SP100: variants seen among roughly 807,000 people sequenced by gnomAD.
The protein encoded by SP100 is nuclear autoantigen Sp-100.
Under a neutral mutation model 130.0 loss-of-function variants are expected in SP100, and 84 were observed. That is an observed-to-expected ratio of 0.65 (90% CI 0.54 to 0.77). The LOEUF is 0.77. Among genes scored for constraint, SP100 ranks in the 30% least tolerant of loss-of-function variants. The probability of loss-of-function intolerance (pLI) is 0.00; values close to 1 mark genes in which losing one functional copy is unlikely to be tolerated. For synonymous variants in SP100, 331 were observed against 351.7 expected, an observed-to-expected ratio of 0.94 and a Z score of 0.66; for missense variants, 978 against 1,052.2, an observed-to-expected ratio of 0.93 and a Z score of 0.97.
intron 2 of SP100, among the ~76,000 whole-genome samples, chr2:230,420,362 T>A (rs772927225): frequency 3.5e-4 from 54 of 152,326 alleles, no homozygotes; most frequent in Non-Finnish European, 4.7e-4. Flanking sequence ...TTTATACCTG[T>A]ATACTTTTCT....
chr2:230,493,210 A>G (rs372643601), intron 17 of SP100, among the ~76,000 whole-genome samples: 5 of 151,816 alleles, frequency 3.3e-5, no homozygotes, highest in African/African-American at 1.2e-4. Context: ...ATTATTTTCT[A>G]TTTTTTATTT....
At chr2:230,440,826 G>A (rs1243285323) in intron 2 of SP100, among the ~76,000 whole-genome samples, 1 of 152,050 alleles carries the variant, frequency 6.6e-6, no homozygotes, top group African/African-American at 2.4e-5. Flanking sequence ...TAGACAAATA[G>A]ATCAATGGTA....
At chr2:230,448,541 A>G (rs936656902) in intron 5 of SP100, among the ~76,000 whole-genome samples, 11 of 152,172 alleles carry the variant, frequency 7.2e-5, no homozygotes, top group Non-Finnish European at 1.3e-4. Context: ...CAGGCAATCT[A>G]AAAAAATAAA....
chr2:230,474,976 A>C (rs970352190), intron 17 of SP100, among the ~76,000 whole-genome samples: 2 of 151,606 alleles, frequency 1.3e-5, no homozygotes, highest in African/African-American at 2.4e-5. Flanking sequence ...GCTTTTGTGA[A>C]TAGCACTATA....
chr2:230,498,471 A>G lies in SP100; in HGVS notation c.1656A>G (p.Lys552=). Residue 552 remains lysine (K), a synonymous_variant, in exon 19 of 29, where the codon AAA becomes AAG. Coordinates refer to ENST00000340126, the MANE Select transcript of SP100 (RefSeq NM_001080391.2). The part of the protein sequence containing the change: ...KVNGLQRGRK[K]DRPRKHLTLN... ...TTCCTATTTTCTCAGGGAGAAAGAAAGACAGACCTAGAAAACATTTAACTC... is the reference window on the plus strand; with the variant it reads ...TTCCTATTTTCTCAGGGAGAAAGAAGGACAGACCTAGAAAACATTTAACTC... 2.0e-6 allele frequency: 3 copies of G among 1,511,254 alleles called. No homozygotes were observed. Among genetic ancestry groups the G allele is most frequent in the Admixed American group, 2.6e-5 (1 of 38,238 alleles). 93.6% of individuals were successfully genotyped at this position (1,511,254 alleles called of 1,614,324 possible).
chr2:230,497,539 G>GAGGAA (rs2066753114), intron 18 of SP100, among the ~76,000 whole-genome samples: 1 of 26,054 alleles, frequency 3.8e-5, no homozygotes, highest in Non-Finnish European at 8.0e-5. Flanking sequence ...GAGGAGAGGA[G>GAGGAA]AGGAGAGGAA....
At chr2:230,477,508 G>C (rs908484893) in intron 17 of SP100, among the ~76,000 whole-genome samples, 5 of 152,092 alleles carry the variant, frequency 3.3e-5, no homozygotes, top group Non-Finnish European at 5.9e-5. Context: ...CAGGGGGTTT[G>C]CCTTTCTGTG....
intron 17 of SP100, among the ~76,000 whole-genome samples, chr2:230,493,614 CCCTTTATTTG>C (rs1270765577): frequency 6.6e-6 from 1 of 151,882 alleles, no homozygotes; most frequent in Non-Finnish European, 1.5e-5. Context: ...ATGTCTAATC[CCCTTTATTTG>C]CCTTCTAAAT....
chr2:230,524,649 A>C (rs997748294), intron 24 of SP100, among the ~76,000 whole-genome samples: 1 of 152,196 alleles, frequency 6.6e-6, no homozygotes, highest in African/African-American at 2.4e-5. Context: ...GCTATAGATA[A>C]AGTTTTTGTG....
chr2:230,487,328 C>A (rs2066157036), intron 17 of SP100, among the ~76,000 whole-genome samples: 1 of 152,078 alleles, frequency 6.6e-6, no homozygotes, highest in Non-Finnish European at 1.5e-5. Flanking sequence ...GTCTTTAATC[C>A]ATCCTGAGTT....
intron 24 of SP100, among the ~76,000 whole-genome samples, chr2:230,517,382 G>A (rs889257107): frequency 6.6e-6 from 1 of 152,154 alleles, no homozygotes; most frequent in African/African-American, 2.4e-5. Flanking sequence ...AAGTTGTATG[G>A]ATGTAAAAAT....
intron 8 of SP100, among the ~76,000 whole-genome samples, chr2:230,456,455 C>T (rs1343618050): frequency 6.6e-6 from 1 of 152,152 alleles, no homozygotes; most frequent in African/African-American, 2.4e-5. Context: ...TTATGTCTTT[C>T]ACCAGATTGG....
intron 3 of SP100, among the ~76,000 whole-genome samples, 190 bp from the exon 4 acceptor site, chr2:230,443,988 T>G: frequency 6.6e-6 from 1 of 152,188 alleles, no homozygotes. Flanking sequence ...GGCTCATCAG[T>G]GGGCATTTTT....
At chr2:230,438,576 C>T (rs893626707) in intron 2 of SP100, among the ~76,000 whole-genome samples, 3 of 151,368 alleles carry the variant, frequency 2.0e-5, no homozygotes, top group African/African-American at 7.3e-5. Flanking sequence ...TCTCCAACTC[C>T]ATCCAGGATG....
chr2:230,538,808 C>T (rs974661049), intron 24 of SP100: 1 of 156,686 alleles, frequency 6.4e-6, no homozygotes, highest in East Asian at 1.9e-4. Flanking sequence ...AACTCCTCCC[C>T]CAAGCCCTTT....
intron 19 of SP100, among the ~76,000 whole-genome samples, chr2:230,501,140 G>A (rs1166801372): frequency 2.0e-5 from 3 of 152,176 alleles, no homozygotes; most frequent in Admixed American, 6.5e-5. Flanking sequence ...TACTTGGGAG[G>A]CAGAGGAAGG....
chr2:230,444,689 T>G (rs11677462), intron 4 of SP100, among the ~76,000 whole-genome samples: 24,740 of 152,196 alleles, frequency 0.16, 2,154 homozygotes, highest in Non-Finnish European at 0.19. Context: ...ATCCACCAAA[T>G]TGACTACTAC....
intron 19 of SP100, among the ~76,000 whole-genome samples, chr2:230,499,944 G>T (rs569809712): frequency 1.3e-5 from 2 of 152,078 alleles, no homozygotes; most frequent in African/African-American, 2.4e-5. Context: ...GCTGATGCTG[G>T]CAGAACCAGG....
At chr2:230,497,401 A>C (rs2066727758) in intron 18 of SP100, among the ~76,000 whole-genome samples, 1 of 144,772 alleles carries the variant, frequency 6.9e-6, no homozygotes, top group African/African-American at 2.5e-5. Context: ...AAATGCAGGG[A>C]GATGGTGTGA....
Sources: gnomAD v4.1 joint callset for allele counts (sites outside exome capture counted in the v4.1 genomes callset) on GRCh38, gnomAD v4.1.1 for gene constraint, MANE v1.5 for transcripts, NCBI Gene and HGNC (gene_info 2026-07-23, HGNC 2026-07-21) for gene names.